CDH12: variants seen among roughly 807,000 people sequenced by gnomAD.
The protein encoded by CDH12 is cadherin 12, also known as cadherin-12.
CDH12 carries 41 observed loss-of-function variants against 74.1 expected under a neutral mutation model. That is an observed-to-expected ratio of 0.55 (90% CI 0.43 to 0.72). CDH12 has a LOEUF of 0.72. Among genes scored for constraint, CDH12 ranks in the 30% least tolerant of loss-of-function variants. The pLI, the probability that CDH12 is intolerant of heterozygous loss-of-function variation, is 0.00. For synonymous variants in CDH12, 399 were observed against 355.0 expected (o/e 1.12, Z -1.39); for missense variants, 945 against 977.2 (o/e 0.97, Z 0.44).
Position 22,749,917 on chromosome 5 carries a change from A to G in CDH12, c.-523+103141T>C, listed in dbSNP as rs541125802. The stretch of plus-strand genomic sequence containing the variant: ...ATTTTTGAGTTGCATAGACACACAC[A>G]AAATCACTTAGGCACACATACAATT... On this transcript the variant is annotated intron_variant, in intron 1 of 14. Coordinates refer to ENST00000382254, the MANE Select transcript of CDH12 (RefSeq NM_004061.5). Among the ~76,000 whole-genome samples, 7 of 152,322 alleles carry G rather than the reference A, an allele frequency of 4.6e-5. No homozygotes were observed. The East Asian group carries it at 1.4e-3, about 29-fold the overall frequency.
intron 1 of CDH12, among the ~76,000 whole-genome samples, chr5:22,629,170 T>C (rs1029228171): frequency 2.0e-5 from 3 of 151,874 alleles, no homozygotes; most frequent in African/African-American, 7.2e-5. Flanking sequence ...ATTCCAGACA[T>C]ATAAAAAGAG....
chr5:22,055,014 A>C (rs1296048637), intron 5 of CDH12, among the ~76,000 whole-genome samples: 1 of 152,204 alleles, frequency 6.6e-6, no homozygotes, highest in Non-Finnish European at 1.5e-5. Flanking sequence ...CCCACTTTAA[A>C]AATACAAATG....
intron 1 of CDH12, among the ~76,000 whole-genome samples, chr5:22,632,488 G>T (rs1167333907): frequency 1.3e-5 from 2 of 151,756 alleles, no homozygotes; most frequent in Non-Finnish European, 2.9e-5. Context: ...AACAAAAGAG[G>T]GGTGAAATAA....
chr5:21,775,792 T>G (rs1343985540), intron 11 of CDH12, among the ~76,000 whole-genome samples: 1 of 152,168 alleles, frequency 6.6e-6, no homozygotes, highest in Non-Finnish European at 1.5e-5. Context: ...TTATATTTAA[T>G]GTATTTAGCC....
chr5:22,373,381 C>A (rs1046345364), intron 3 of CDH12, among the ~76,000 whole-genome samples: 1 of 152,180 alleles, frequency 6.6e-6, no homozygotes, highest in Non-Finnish European at 1.5e-5. Flanking sequence ...AATAATATCA[C>A]CCACATCACA....
chr5:22,045,423 T>A (rs1739869539), intron 5 of CDH12, among the ~76,000 whole-genome samples: 1 of 152,106 alleles, frequency 6.6e-6, no homozygotes, highest in South Asian at 2.1e-4. Context: ...GATCTAGCAA[T>A]CCCATTACTG....
At chr5:22,483,660 C>A (rs1268934449) in intron 2 of CDH12, among the ~76,000 whole-genome samples, 1 of 144,146 alleles carries the variant, frequency 6.9e-6, no homozygotes, top group Non-Finnish European at 1.5e-5. Flanking sequence ...TATAGGAAAC[C>A]TTATGCAGAA....
At chr5:22,012,449 G>A (rs2963564) in intron 5 of CDH12, among the ~76,000 whole-genome samples, 4 of 152,134 alleles carry the variant, frequency 2.6e-5, no homozygotes, top group Middle Eastern at 3.4e-3. Flanking sequence ...CATCATTGTC[G>A]CTTCTACTTG....
intron 6 of CDH12, among the ~76,000 whole-genome samples, chr5:21,919,358 A>C (rs553772797): frequency 1.3e-5 from 2 of 152,300 alleles, no homozygotes; most frequent in South Asian, 4.1e-4. Context: ...CAAAGATTCA[A>C]ATAGATAATT....
At chr5:22,793,649 T>G (rs1311959182) in intron 1 of CDH12, among the ~76,000 whole-genome samples, 1 of 152,192 alleles carries the variant, frequency 6.6e-6, no homozygotes, top group Non-Finnish European at 1.5e-5. Context: ...AACATTCTTA[T>G]TTAGCAAGAG....
intron 1 of CDH12, among the ~76,000 whole-genome samples, chr5:22,786,885 A>AT (rs1230176877): frequency 2.0e-5 from 3 of 151,680 alleles, no homozygotes; most frequent in Non-Finnish European, 2.9e-5. Context: ...CATCTGGCTA[A>AT]TTTTTTGTGT....
chr5:21,889,924 CT>C, intron 6 of CDH12: 1 of 826,062 alleles, frequency 1.2e-6, no homozygotes, highest in Non-Finnish European at 1.5e-6. Context: ...ACTTTTATTG[CT>C]TACAGAATCA....
chr5:21,841,558 C>T lies in CDH12; in HGVS notation c.814+603G>A, dbSNP rs1229830215. Among the ~76,000 whole-genome samples, 141 of 148,542 alleles carry T rather than the reference C, an allele frequency of 9.5e-4. 2 individuals carry two copies. The highest frequency in any genetic ancestry group is 3.5e-3 in the Middle Eastern group (1 of 286). On this transcript the variant is annotated intron_variant, in intron 8 of 14. Coordinates refer to ENST00000382254, the MANE Select transcript of CDH12 (RefSeq NM_004061.5). ...ATGCTGCTATAAAGACACATGCACA[C>T]GTATGTTTATTGCGGCACTATTCAC...
intron 5 of CDH12, among the ~76,000 whole-genome samples, chr5:22,034,518 C>T (rs193270355): frequency 1.5e-3 from 233 of 152,216 alleles, no homozygotes; most frequent in African/African-American, 5.5e-3. Flanking sequence ...TGCCTTGCAG[C>T]GAAGATCCCA....
At chr5:22,177,828 C>T (rs182718722) in intron 4 of CDH12, among the ~76,000 whole-genome samples, 95 of 152,244 alleles carry the variant, frequency 6.2e-4, no homozygotes, top group African/African-American at 1.7e-3. Flanking sequence ...TTAGCTTCAA[C>T]GACTCTGTTG....
chr5:21,881,622 C>T (rs1360522372), intron 6 of CDH12, among the ~76,000 whole-genome samples: 1 of 152,002 alleles, frequency 6.6e-6, no homozygotes, highest in Non-Finnish European at 1.5e-5. Flanking sequence ...ATTGAACTTT[C>T]TAGAAATACA....
At chr5:22,706,698 G>T (rs546207771) in intron 1 of CDH12, among the ~76,000 whole-genome samples, 27 of 151,992 alleles carry the variant, frequency 1.8e-4, no homozygotes, top group African/African-American at 6.5e-4. Flanking sequence ...TATAAATATT[G>T]CTAGAATGAA....
chr5:22,315,444 G>A (rs1276548308), intron 3 of CDH12, among the ~76,000 whole-genome samples: 1 of 152,090 alleles, frequency 6.6e-6, no homozygotes, highest in African/African-American at 2.4e-5. Flanking sequence ...GAAGAAGGTT[G>A]ATGGAGCTTA....
intron 4 of CDH12, among the ~76,000 whole-genome samples, chr5:22,121,523 G>C (rs1037191789): frequency 6.6e-6 from 1 of 152,174 alleles, no homozygotes; most frequent in Non-Finnish European, 1.5e-5. Flanking sequence ...CATGTTTCTA[G>C]TACCTTCTCT....
Sources: allele counts gnomAD v4.1 joint callset (sites outside exome capture counted in the v4.1 genomes callset), GRCh38; gene constraint gnomAD v4.1.1; transcripts MANE v1.5; gene names NCBI Gene and HGNC (gene_info 2026-07-23, HGNC 2026-07-21).